EMB: variants seen among roughly 807,000 people sequenced by gnomAD.
The protein encoded by EMB is embigin.
A neutral mutation model predicts 41.4 loss-of-function variants in EMB; 31 were observed. The observed-to-expected ratio is 0.75, with a 90% CI of 0.56 to 1.01. The LOEUF is 1.01. EMB is among the 50% of genes least tolerant of loss of function. The probability of loss-of-function intolerance (pLI) is 0.00; values close to 1 mark genes in which losing one functional copy is unlikely to be tolerated. For missense variants in EMB, 379 were observed against 388.3 expected, an observed-to-expected ratio of 0.98 and a Z score of 0.20; for synonymous variants, 137 against 140.4, an observed-to-expected ratio of 0.98 and a Z score of 0.17.
chr5:50,423,573 T>C lies in EMB; in HGVS notation c.196+4571A>G, dbSNP rs140133541. On this transcript the variant is annotated intron_variant, in intron 2 of 8. Transcript: ENST00000303221. Reference sequence around the variant, plus strand: ...TTAGGGACTGTGTGCTTGTTTTTTATATTTTTGTTTTGTGACATGTTGAGA... The same window carrying C: ...TTAGGGACTGTGTGCTTGTTTTTTACATTTTTGTTTTGTGACATGTTGAGA... Among the ~76,000 whole-genome samples, 17 of 152,348 alleles carry C rather than the reference T, an allele frequency of 1.1e-4. No individual in the cohort carries two copies. The East Asian group carries it at 2.9e-3, about 26-fold the overall frequency.
At chr5:50,413,903 G>A (rs573406296) in intron 2 of EMB, among the ~76,000 whole-genome samples, 1 of 152,214 alleles carries the variant, frequency 6.6e-6, no homozygotes, top group Non-Finnish European at 1.5e-5. Context: ...GGAGAGAGAT[G>A]TCTTTGTATC....
At chr5:50,401,023 T>C (rs1208026710) in intron 7 of EMB, among the ~76,000 whole-genome samples, 1 of 151,986 alleles carries the variant, frequency 6.6e-6, no homozygotes, top group African/African-American at 2.4e-5. Context: ...GTTTGTTATA[T>C]GATGCTAAGA....
At chr5:50,409,191 C>T (rs967753418) in intron 4 of EMB, among the ~76,000 whole-genome samples, 1 of 152,110 alleles carries the variant, frequency 6.6e-6, no homozygotes, top group African/African-American at 2.4e-5. Context: ...AAGAGGCCTT[C>T]CGTGTGAATA....
At chr5:50,401,821 A>T (rs1280897049) in intron 7 of EMB, among the ~76,000 whole-genome samples, 2 of 151,924 alleles carry the variant, frequency 1.3e-5, no homozygotes, top group East Asian at 3.9e-4. Flanking sequence ...CCCCAACCCA[A>T]GAGGTTCTGA....
intron 2 of EMB, among the ~76,000 whole-genome samples, chr5:50,419,520 C>G (rs1256140039): frequency 6.8e-6 from 1 of 146,596 alleles, no homozygotes; most frequent in African/African-American, 2.6e-5. Flanking sequence ...AAAACTTAAA[C>G]AGAACCCCCA....
chr5:50,416,612 G>A (rs1445770208), intron 2 of EMB, among the ~76,000 whole-genome samples: 1 of 152,136 alleles, frequency 6.6e-6, no homozygotes, highest in African/African-American at 2.4e-5. Context: ...ACACAGTTAA[G>A]TGAACTGTGA....
rs1311484631 is a variant in EMB, at chr5:50,397,556, AAT to A, written c.*1715_*1716del. 2.0e-5 allele frequency: 3 copies of A among 152,142 alleles called. No homozygotes were observed. Among genetic ancestry groups the A allele is most frequent in the Non-Finnish European group, 2.9e-5 (2 of 68,016 alleles). 9.4% of individuals were successfully genotyped at this position (152,142 alleles called of 1,614,324 possible). ...TTTGTGTTCTATATTCCAAGTCACA[AAT>A]ACACTGCTTTGAATTGTATTTAGTC... On this transcript the variant is annotated 3_prime_UTR_variant, in exon 9 of 9. Coordinates refer to ENST00000303221, the MANE Select transcript of EMB (RefSeq NM_198449.3).
intron 1 of EMB, among the ~76,000 whole-genome samples, chr5:50,429,974 C>T (rs1232271020): frequency 8.1e-5 from 3 of 36,840 alleles, no homozygotes; most frequent in Non-Finnish European, 1.5e-4. Context: ...CTCTTTCTCT[C>T]TCTCTCTCTC....
At chr5:50,440,660 C>T (rs1378843258) in intron 1 of EMB, among the ~76,000 whole-genome samples, 1 of 151,786 alleles carries the variant, frequency 6.6e-6, no homozygotes, top group South Asian at 2.1e-4. Flanking sequence ...GGAAATGTGG[C>T]TTTCAAAATT....
chr5:50,431,631 G>A (rs1461211081), intron 1 of EMB, among the ~76,000 whole-genome samples: 1 of 152,062 alleles, frequency 6.6e-6, no homozygotes, highest in Admixed American at 6.6e-5. Flanking sequence ...AAAAAAATGA[G>A]GATCAGAAAA....
chr5:50,402,431 G>C, intron 6 of EMB, 112 bp from the exon 7 acceptor site: 1 of 993,622 alleles, frequency 1.0e-6, no homozygotes, highest in Non-Finnish European at 1.6e-6. Context: ...TGTTTCTCCT[G>C]TTTGGAATGA....
chr5:50,421,616 T>C (rs1745525072), intron 2 of EMB, among the ~76,000 whole-genome samples: 1 of 151,920 alleles, frequency 6.6e-6, no homozygotes, highest in Admixed American at 6.6e-5. Flanking sequence ...TGTGGCACTA[T>C]TCACAATAGC....
chr5:50,406,277 T>C (rs1745247117), intron 4 of EMB, among the ~76,000 whole-genome samples: 1 of 151,862 alleles, frequency 6.6e-6, no homozygotes, highest in Admixed American at 6.6e-5. Flanking sequence ...ATAGGAAATC[T>C]TTAGTTGATA....
chr5:50,428,841 C>A, intron 1 of EMB: 1 of 413,842 alleles, frequency 2.4e-6, no homozygotes, highest in Non-Finnish European at 3.2e-6. Flanking sequence ...TTTCTATTTC[C>A]ACCTCTCTCA....
chr5:50,411,151 T>C (rs768870740), intron 3 of EMB, 46 bp downstream of exon 3: 1 of 1,500,584 alleles, frequency 6.7e-7, no homozygotes, highest in Non-Finnish European at 9.0e-7. Context: ...TATTTAGAAT[T>C]AAGCTACTTT....
chr5:50,440,743 T>C (rs1401522579), intron 1 of EMB, among the ~76,000 whole-genome samples: 1 of 151,970 alleles, frequency 6.6e-6, no homozygotes, highest in Non-Finnish European at 1.5e-5. Context: ...GCCTTCTTCC[T>C]AGGAAAAACC....
At chr5:50,423,222 AACAAT>A (rs1482816522) in intron 2 of EMB, among the ~76,000 whole-genome samples, 1 of 152,126 alleles carries the variant, frequency 6.6e-6, no homozygotes, top group Non-Finnish European at 1.5e-5. Flanking sequence ...AAAGAAAACA[AACAAT>A]ACTAGTTTTT....
intron 1 of EMB, among the ~76,000 whole-genome samples, chr5:50,429,961 ACT>A (rs1387219243): frequency 1.6e-4 from 12 of 73,844 alleles, no homozygotes; most frequent in African/African-American, 6.6e-4. Context: ...ACCCTCCCCA[ACT>A]CTCTTTCTCT....
chr5:50,413,214 C>T (rs138914987), intron 2 of EMB, among the ~76,000 whole-genome samples: 11 of 152,308 alleles, frequency 7.2e-5, no homozygotes, highest in East Asian at 5.8e-4. Context: ...AGAAAATAAA[C>T]GTTCTCTTTA....
Sources: allele counts gnomAD v4.1 joint callset (sites outside exome capture counted in the v4.1 genomes callset), GRCh38; gene constraint gnomAD v4.1.1; transcripts MANE v1.5; gene names NCBI Gene and HGNC (gene_info 2026-07-23, HGNC 2026-07-21).